The following UGT2B4 variants were observed in gnomAD, a reference collection of about 807,000 sequenced individuals.
UGT2B4 encodes the protein UDP-glucuronosyltransferase 2B4.
Under a neutral mutation model 49.8 loss-of-function variants are expected in UGT2B4, and 49 were observed. That is an observed-to-expected ratio of 0.98 (90% CI 0.78 to 1.25). UGT2B4 has a LOEUF of 1.25. Ranked by LOEUF, UGT2B4 falls within the 50% of genes most tolerant of loss-of-function variation. The pLI is 0.00. For synonymous variants in UGT2B4, 246 were observed against 217.7 expected, an observed-to-expected ratio of 1.13 and a Z score of -1.14; for missense variants, 729 against 627.7, an observed-to-expected ratio of 1.16 and a Z score of -1.73.
chr4:69,484,609 G>A (rs1727710153), intron 5 of UGT2B4, among the ~76,000 whole-genome samples: 1 of 152,108 alleles, frequency 6.6e-6, no homozygotes, highest in South Asian at 2.1e-4. Flanking sequence ...AAAGCAAATT[G>A]GTGTTAGCCT....
At chr4:69,502,139 T>TTCTTTCTTTCTTTCTA (rs1560439145) in intron 1 of UGT2B4, among the ~76,000 whole-genome samples, 1 of 137,360 alleles carries the variant, frequency 7.3e-6, no homozygotes, top group Non-Finnish European at 1.6e-5. Flanking sequence ...CTTTCTTTCT[T>TTCTTTCTTTCTTTCTA]TCTTTCTTTC....
intron 5 of UGT2B4, 108 bp from the exon 6 acceptor site, chr4:69,481,018 C>A (rs1482542715): frequency 1.6e-5 from 19 of 1,215,100 alleles, no homozygotes; most frequent in Non-Finnish European, 1.8e-5. Flanking sequence ...GCGGGCGGAT[C>A]ACGAGGTCAG....
intron 1 of UGT2B4, among the ~76,000 whole-genome samples, chr4:69,501,082 T>G (rs1181567359): frequency 6.6e-6 from 1 of 152,124 alleles, no homozygotes; most frequent in African/African-American, 2.4e-5. Context: ...TAAGACCCAC[T>G]GGCTTGGAAT....
intron 1 of UGT2B4, among the ~76,000 whole-genome samples, chr4:69,516,689 C>T (rs372120671): frequency 1.1e-3 from 169 of 151,224 alleles, no homozygotes; most frequent in African/African-American, 3.8e-3. Flanking sequence ...TCACTGCAAC[C>T]TCCACCTCTT....
intron 2 of UGT2B4, 95 bp from the exon 3 acceptor site, chr4:69,489,665 A>G: frequency 2.7e-6 from 4 of 1,489,290 alleles, no homozygotes; most frequent in Non-Finnish European, 3.6e-6. Flanking sequence ...ATCAAGTTTT[A>G]TCAGGAATTA....
chr4:69,518,293 C>T (rs1263851024), intron 1 of UGT2B4: 1 of 152,188 alleles, frequency 6.6e-6, no homozygotes, highest in East Asian at 1.9e-4. Context: ...TGACATTAAG[C>T]CAATGGCTGA....
rs200082348 is a variant in UGT2B4 at position 69,493,693 on chromosome 4, C to T, written c.870G>A (p.Lys290=). ...GACAAAACAAACAGTAATAGTTTAC[C>T]TTCGGTAGGGGTTTGGCAGGTTTGC... ...LHCKPAKPLP[K]EMEEFVQSSG... is the part of the protein sequence containing the mutation. Residue 290 remains lysine (K), a splice_region_variant and synonymous_variant, in exon 2 of 6, where the codon AAG becomes AAA. Coordinates refer to ENST00000305107, the MANE Select transcript of UGT2B4 (RefSeq NM_021139.3). 2.5e-6 allele frequency: 4 copies of T among 1,602,978 alleles called. No homozygotes were observed. Among genetic ancestry groups the T allele is most frequent in the Non-Finnish European group, 3.4e-6 (4 of 1,176,226 alleles).
At chr4:69,509,704 T>G (rs959537844) in intron 1 of UGT2B4, among the ~76,000 whole-genome samples, 1 of 152,276 alleles carries the variant, frequency 6.6e-6, no homozygotes, top group African/African-American at 2.4e-5. Context: ...TAGGGTTTCT[T>G]TTTTTGCTTT....
intron 1 of UGT2B4, among the ~76,000 whole-genome samples, chr4:69,505,342 T>C (rs1316917966): frequency 2.0e-5 from 3 of 152,060 alleles, no homozygotes; most frequent in African/African-American, 2.4e-5. Flanking sequence ...TCACCTGCAA[T>C]GGCATACATA....
At chr4:69,513,389 G>A (rs924908665) in intron 1 of UGT2B4, among the ~76,000 whole-genome samples, 1 of 152,078 alleles carries the variant, frequency 6.6e-6, no homozygotes, top group African/African-American at 2.4e-5. Flanking sequence ...AGATCAGATG[G>A]TTGTAGGTGT....
chr4:69,495,134 T>C lies in UGT2B4; in HGVS notation c.721+7A>G, dbSNP rs1368252865. 3 of 1,511,706 alleles carry C rather than the reference T, an allele frequency of 2.0e-6. No individual in the cohort carries two copies. In the African/African-American group the frequency reaches 4.2e-5, roughly 21 times the overall value. 93.6% of individuals were successfully genotyped at this position (1,511,706 alleles called of 1,614,324 possible). A position where few individuals can be genotyped will look rare whatever the true frequency, so the allele number is the denominator to read the frequency against. ...TCTTCATGTTACCAATCAAAAAAGT[T>C]ACTTACCTAGAACTTCACTGTAGAA... On this transcript the variant is annotated splice_region_variant and intron_variant, in intron 1 of 5. Coordinates refer to ENST00000305107, the MANE Select transcript of UGT2B4 (RefSeq NM_021139.3).
intron 2 of UGT2B4, among the ~76,000 whole-genome samples, chr4:69,491,433 G>A (rs866044849): frequency 3.3e-5 from 5 of 151,964 alleles, no homozygotes; most frequent in African/African-American, 1.2e-4. Flanking sequence ...GATTTCATGT[G>A]AATATATTAT....
Position 69,480,607 on chromosome 4 carries a change from T to G in UGT2B4, c.*27A>C. The G allele has an allele frequency of 6.2e-7, 1 of 1,605,240 alleles. No homozygotes were observed. Among genetic ancestry groups the G allele is most frequent in the Non-Finnish European group, 8.5e-7 (1 of 1,174,742 alleles). ...AAACTAAAGGAGTTCATTTATTGGG[T>G]TTCCCAGCTTCCAGCCTCAGACGTA... On this transcript the variant is annotated 3_prime_UTR_variant, in exon 6 of 6. Transcript: ENST00000305107.
chr4:69,511,767 T>G (rs1728610008), intron 1 of UGT2B4, among the ~76,000 whole-genome samples: 1 of 152,148 alleles, frequency 6.6e-6, no homozygotes, highest in East Asian at 1.9e-4. Context: ...TTCAAGTGTT[T>G]GGTAGTGAAG....
chr4:69,500,660 A>AGAAAGAAAGAAAGAAG, upstream of UGT2B4, among the ~76,000 whole-genome samples: 1 of 119,884 alleles, frequency 8.3e-6, no homozygotes, highest in South Asian at 2.6e-4. Context: ...AAAGAAAGAA[A>AGAAAGAAAGAAAGAAG]GAAAGAAAGG....
At chr4:69,510,934 C>T (rs1252327054) in intron 1 of UGT2B4, among the ~76,000 whole-genome samples, 13 of 150,992 alleles carry the variant, frequency 8.6e-5, no homozygotes, top group African/African-American at 3.2e-4. Context: ...TTGTTGTTTA[C>T]CATTGAATAT....
intron 1 of UGT2B4, among the ~76,000 whole-genome samples, chr4:69,494,926 G>A (rs983268176): frequency 1.3e-5 from 2 of 152,082 alleles, no homozygotes; most frequent in Non-Finnish European, 2.9e-5. Context: ...ACTTCCTGGA[G>A]TCTTCTGTAT....
At chr4:69,491,101 G>A (rs536069376) in intron 2 of UGT2B4, among the ~76,000 whole-genome samples, 21 of 152,036 alleles carry the variant, frequency 1.4e-4, no homozygotes, top group African/African-American at 5.1e-4. Context: ...TTTTCATCAT[G>A]GCTTTTGTTC....
chr4:69,502,023 C>T (rs1056217403), intron 1 of UGT2B4, among the ~76,000 whole-genome samples: 1 of 152,086 alleles, frequency 6.6e-6, no homozygotes, highest in Non-Finnish European at 1.5e-5. Flanking sequence ...TGCATTGCTC[C>T]TGGGTGGGAC....
Sources: gnomAD v4.1 joint callset for allele counts (sites outside exome capture counted in the v4.1 genomes callset) on GRCh38, gnomAD v4.1.1 for gene constraint, MANE v1.5 for transcripts, NCBI Gene and HGNC (gene_info 2026-07-23, HGNC 2026-07-21) for gene names.